FGF10: variants seen among roughly 807,000 people sequenced by gnomAD.
The protein encoded by FGF10 is fibroblast growth factor 10.
A neutral mutation model predicts 19.8 loss-of-function variants in FGF10; 2 were observed. The observed-to-expected ratio is 0.10, with a 90% confidence interval of 0.04 to 0.32. The LOEUF is 0.32. FGF10 is among the 10% of genes least tolerant of loss of function. The probability of loss-of-function intolerance (pLI) is 1.00; values close to 1 mark genes in which losing one functional copy is unlikely to be tolerated. For missense variants in FGF10, 191 were observed against 246.3 expected (o/e 0.78, Z 1.50); for synonymous variants, 112 against 94.0 (o/e 1.19, Z -1.10).
chr5:44,305,088 C>T lies in FGF10; in HGVS notation c.534G>A (p.Val178=), dbSNP rs753263116. The change falls in exon 3 of 3, where the codon GTG becomes GTA. Residue 178 remains valine, a synonymous_variant. Coordinates refer to ENST00000264664, the MANE Select transcript of FGF10 (RefSeq NM_004465.2). The stretch of plus-strand genomic sequence containing the variant: ...TTGGAGCTCCTTTTCCATTCAATGC[C>T]ACATACATTTGCCTCCCATTATGCT... ...NWQHNGRQMY[V]ALNGKGAPRR... 3 of 1,613,986 alleles carry T rather than the reference C, an allele frequency of 1.9e-6. No individual in the cohort carries two copies. Among genetic ancestry groups the T allele is most frequent in the Middle Eastern group, 1.7e-4 (1 of 6,058 alleles).
At chr5:44,370,930 AT>A (rs1314246850) in intron 1 of FGF10, among the ~76,000 whole-genome samples, 1 of 152,126 alleles carries the variant, frequency 6.6e-6, no homozygotes, top group African/African-American at 2.4e-5. Context: ...AAGATAGATG[AT>A]AAAAGATGTT....
intron 1 of FGF10, among the ~76,000 whole-genome samples, chr5:44,319,101 G>A (rs1430194726): frequency 6.6e-6 from 1 of 152,088 alleles, no homozygotes. Flanking sequence ...CTCACCATGA[G>A]GCTCCTGCTA....
At chr5:44,358,711 C>A (rs1182165045) in intron 1 of FGF10, among the ~76,000 whole-genome samples, 1 of 151,494 alleles carries the variant, frequency 6.6e-6, no homozygotes, top group Non-Finnish European at 1.5e-5. Flanking sequence ...ACAGCTAGCT[C>A]ACCCCAGGCT....
At chr5:44,322,047 G>T (rs536391448) in intron 1 of FGF10, among the ~76,000 whole-genome samples, 1 of 152,260 alleles carries the variant, frequency 6.6e-6, no homozygotes, top group South Asian at 2.1e-4. Flanking sequence ...ACAGGTGTGA[G>T]CCACTGCGCC....
At chr5:44,368,411 T>A (rs900344793) in intron 1 of FGF10, among the ~76,000 whole-genome samples, 1 of 152,144 alleles carries the variant, frequency 6.6e-6, no homozygotes, top group South Asian at 2.1e-4. Context: ...ATATAACAAA[T>A]AATTTCAAAC....
At chr5:44,310,762 C>G (rs1416274074) in intron 1 of FGF10, among the ~76,000 whole-genome samples, 2 of 152,018 alleles carry the variant, frequency 1.3e-5, no homozygotes, top group Non-Finnish European at 2.9e-5. Context: ...AAAGAATTCC[C>G]CTTCATTTTA....
intron 1 of FGF10, among the ~76,000 whole-genome samples, chr5:44,359,838 C>T (rs1741434432): frequency 6.6e-6 from 1 of 151,418 alleles, no homozygotes; most frequent in Non-Finnish European, 1.5e-5. Flanking sequence ...TCATCCACTC[C>T]AACTTTCACC....
rs1235308786 is a variant in FGF10 at position 44,305,029 on chromosome 5, G to C, written c.593C>G (p.Ser198Cys). 1.2e-6 allele frequency: 2 copies of C among 1,613,954 alleles called. No individual in the cohort carries two copies. Among genetic ancestry groups the C allele is most frequent in the Admixed American group, 1.7e-5 (1 of 60,014 alleles). ...RGQKTRRKNT[S>C]AHFLPMVVHS Reference sequence around the variant, plus strand: ...TACCACCATTGGAAGAAAGTGAGCAGAGGTGTTTTTCCTTCGTGTTTTCTG... The same window carrying C: ...TACCACCATTGGAAGAAAGTGAGCACAGGTGTTTTTCCTTCGTGTTTTCTG... The change falls in exon 3 of 3, where the codon TCT becomes TGT. Residue 198 changes from serine to cysteine, a missense_variant. This residue lies in a region of FGF10 where 99 missense variants were observed against 161.7 expected (regional missense o/e 0.61). Coordinates refer to ENST00000264664, the MANE Select transcript of FGF10 (RefSeq NM_004465.2).
At chr5:44,329,640 G>T (rs966908444) in intron 1 of FGF10, among the ~76,000 whole-genome samples, 6 of 152,060 alleles carry the variant, frequency 3.9e-5, no homozygotes, top group Non-Finnish European at 8.8e-5. Flanking sequence ...ACAAAAATGA[G>T]CATGTACCCA....
chr5:44,388,746 C>A lies in FGF10; in HGVS notation c.-64G>T. 2 of 1,556,404 alleles carry A rather than the reference C, an allele frequency of 1.3e-6. No individual in the cohort carries two copies. The highest frequency in any genetic ancestry group is 1.8e-6 in the Non-Finnish European group (2 of 1,131,486). ...AAGGAACATACTGGAAGGGTAAGAC[C>A]CGATGCAAGGCAAGGAGAGAGCTCG... On this transcript the variant is annotated 5_prime_UTR_variant, in exon 1 of 3. Coordinates refer to ENST00000264664, the MANE Select transcript of FGF10 (RefSeq NM_004465.2).
rs1373056040 is a variant in FGF10 at position 44,302,321 on chromosome 5, TC to T, written c.*2673del. ...TTCCTTCCTTCCTTCCTTCCTTCCT[TC>T]CTTCCTTCCTGTCTTTCTGTCTTTT... On this transcript the variant is annotated 3_prime_UTR_variant, in exon 3 of 3. Transcript: ENST00000264664. Among the ~76,000 whole-genome samples the T allele has an allele frequency of 7.6e-6, 1 of 131,820 alleles. No homozygotes were observed. The highest frequency in any genetic ancestry group is 2.2e-4 in the East Asian group (1 of 4,562). 86.5% of individuals were successfully genotyped at this position (131,820 alleles called of 152,430 possible). A position where few individuals can be genotyped will look rare whatever the true frequency, so the allele number is the denominator to read the frequency against.
intron 1 of FGF10, among the ~76,000 whole-genome samples, chr5:44,349,449 T>TATATATCAGA (rs1554038133): frequency 3.8e-4 from 6 of 15,784 alleles, no homozygotes; most frequent in Non-Finnish European, 9.4e-4. Flanking sequence ...TATATATATA[T>TATATATCAGA]ATATATATAT....
At chr5:44,366,301 C>A (rs1055715044) in intron 1 of FGF10, among the ~76,000 whole-genome samples, 1 of 151,660 alleles carries the variant, frequency 6.6e-6, no homozygotes, top group Non-Finnish European at 1.5e-5. Context: ...GGCAAGGATA[C>A]CCCCTTGCAT....
At chr5:44,347,118 A>G (rs940497813) in intron 1 of FGF10, among the ~76,000 whole-genome samples, 1 of 151,762 alleles carries the variant, frequency 6.6e-6, no homozygotes, top group Non-Finnish European at 1.5e-5. Context: ...TACTCAATAA[A>G]TATTTGTAGA....
intron 1 of FGF10, among the ~76,000 whole-genome samples, chr5:44,314,981 C>T (rs983520011): frequency 6.6e-6 from 1 of 152,026 alleles, no homozygotes; most frequent in Non-Finnish European, 1.5e-5. Flanking sequence ...CTTCTATCCA[C>T]TCCTAGATAA....
intron 1 of FGF10, among the ~76,000 whole-genome samples, chr5:44,312,676 G>C (rs1215779501): frequency 1.3e-5 from 2 of 152,040 alleles, no homozygotes; most frequent in Admixed American, 1.3e-4. Flanking sequence ...GAATTCAGGG[G>C]CAAAAGATTA....
At position 44,388,440 on chromosome 5, in the gene FGF10, C is replaced by T. The variant is rs200056747; in HGVS notation, c.243G>A (p.Lys81=). 67 of 1,613,930 alleles carry T rather than the reference C, an allele frequency of 4.2e-5. No homozygotes were observed. Among genetic ancestry groups the T allele is most frequent in the Non-Finnish European group, 5.2e-5 (61 of 1,180,052 alleles). The change falls in exon 1 of 3, where the codon AAG becomes AAA. Residue 81 remains lysine (K), a synonymous_variant. Transcript: ENST00000264664. ...GAAAGTACTTGGTGAAAGAGAATAGCTTTCTCCAGCGGACATCTCCTTGAA... is the reference window on the plus strand; with the variant it reads ...GAAAGTACTTGGTGAAAGAGAATAGTTTTCTCCAGCGGACATCTCCTTGAA... ...NHLQGDVRWR[K]LFSFTKYFLK...
intron 1 of FGF10, among the ~76,000 whole-genome samples, chr5:44,381,192 A>T (rs1741975267): frequency 1.3e-5 from 2 of 152,332 alleles, no homozygotes; most frequent in South Asian, 2.1e-4. Context: ...CACTTCACTT[A>T]CAGCAGAGCT....
At chr5:44,310,104 G>A (rs992313070) in intron 2 of FGF10, among the ~76,000 whole-genome samples, 1 of 152,070 alleles carries the variant, frequency 6.6e-6, no homozygotes, top group South Asian at 2.1e-4. Flanking sequence ...TGTTTTTAGT[G>A]TTTTTTCTCC....
Sources: gnomAD v4.1 joint callset for allele counts (sites outside exome capture counted in the v4.1 genomes callset) on GRCh38, gnomAD v4.1.1 for gene constraint, gnomAD v4.1.1 regional missense constraint, MANE v1.5 for transcripts, NCBI Gene and HGNC (gene_info 2026-07-23, HGNC 2026-07-21) for gene names.